The following FAM83B variants were observed in gnomAD, a reference collection of about 807,000 sequenced individuals.
FAM83B encodes the protein protein FAM83B.
A neutral mutation model predicts 38.8 loss-of-function variants in FAM83B; 26 were observed. The observed-to-expected ratio is 0.67, with a 90% CI of 0.49 to 0.93. The LOEUF is 0.93. Among genes scored for constraint, FAM83B ranks in the 40% least tolerant of loss-of-function variants. The probability of loss-of-function intolerance (pLI) is 0.00; values close to 1 mark genes in which losing one functional copy is unlikely to be tolerated. For missense variants in FAM83B, 1,237 were observed against 1,197.3 expected, an observed-to-expected ratio of 1.03 and a Z score of -0.49; for synonymous variants, 419 against 423.1, an observed-to-expected ratio of 0.99 and a Z score of 0.12.
intron 2 of FAM83B, among the ~76,000 whole-genome samples, chr6:54,887,522 G>T (rs1421646958): frequency 1.3e-5 from 2 of 151,658 alleles, no homozygotes; most frequent in Admixed American, 6.6e-5. Context: ...TTTCACTTTG[G>T]TTTTTTTGTT....
intron 1 of FAM83B, among the ~76,000 whole-genome samples, chr6:54,848,590 T>G (rs943019783): frequency 6.6e-6 from 1 of 152,216 alleles, no homozygotes; most frequent in Admixed American, 6.5e-5. Flanking sequence ...ATCTTTCTAT[T>G]TTATTTCCTC....
chr6:54,874,314 CT>C (rs756432478), intron 2 of FAM83B, among the ~76,000 whole-genome samples: 1 of 152,062 alleles, frequency 6.6e-6, no homozygotes, highest in Non-Finnish European at 1.5e-5. Context: ...TGTTTGAGAA[CT>C]TTCCTTTGGG....
intron 1 of FAM83B, among the ~76,000 whole-genome samples, chr6:54,863,184 A>G (rs1771626375): frequency 6.6e-6 from 1 of 152,186 alleles, no homozygotes; most frequent in South Asian, 2.1e-4. Context: ...CTCTCCAAAA[A>G]TGTGTCCTCT....
chr6:54,904,274 A>C (rs188750242), intron 2 of FAM83B, among the ~76,000 whole-genome samples: 124 of 152,306 alleles, frequency 8.1e-4, no homozygotes, highest in Admixed American at 2.6e-3. Flanking sequence ...ATATGTAGGC[A>C]GTTATCAAGT....
At chr6:54,884,955 G>A (rs1175136950) in intron 2 of FAM83B, among the ~76,000 whole-genome samples, 1 of 151,998 alleles carries the variant, frequency 6.6e-6, no homozygotes, top group African/African-American at 2.4e-5. Flanking sequence ...TGTATTTTTA[G>A]TAGAGACGGG....
chr6:54,912,428 A>T (rs2127584887), intron 2 of FAM83B, among the ~76,000 whole-genome samples: 1 of 151,320 alleles, frequency 6.6e-6, no homozygotes, highest in South Asian at 2.1e-4. Flanking sequence ...GCCAAAAAAA[A>T]AAAACAACAA....
In FAM83B at chr6:54,940,708, G is replaced by C. The variant is rs1406343279; in HGVS notation, c.1737G>C (p.Glu579Asp). Residue 579 changes from glutamate (E) to aspartate (D), a missense_variant, in exon 5 of 5, where the codon GAG (glutamate) becomes GAC (aspartate). Glu to Asp is a conservative substitution (Grantham distance 45). Transcript: ENST00000306858. ...IGSQGSETPK[E>D]VPDTPTNVQH... ...CTCAGGGAAGTGAGACACCTAAAGA[G>C]GTCCCAGACACCCCTACGAATGTAC... 2.5e-6 allele frequency: 4 copies of C among 1,613,926 alleles called. No individual in the cohort carries two copies. The South Asian group carries it at 4.4e-5, about 18-fold the overall frequency.
In FAM83B at chr6:54,870,482, C is replaced by T. The variant is rs1771822060; in HGVS notation, c.236C>T (p.Thr79Ile). Residue 79 changes from threonine to isoleucine, a missense_variant, in exon 2 of 5, where the codon ACT becomes ATT. Coordinates refer to ENST00000306858, the MANE Select transcript of FAM83B (RefSeq NM_001010872.3). ...QKVAQSTAHG[T>I]DDSCDDTLSS... ...GTTGCACAAAGCACAGCACATGGTA[C>T]TGATGATTCCTGTGATGATACCTTA... 6.2e-7 allele frequency: 1 copy of T among 1,613,936 alleles called. No individual in the cohort carries two copies. The highest frequency in any genetic ancestry group is 8.5e-7 in the Non-Finnish European group (1 of 1,179,940).
chr6:54,853,342 G>C (rs2127571517), intron 1 of FAM83B, among the ~76,000 whole-genome samples: 1 of 152,276 alleles, frequency 6.6e-6, no homozygotes, highest in African/African-American at 2.4e-5. Flanking sequence ...AGGTGACACA[G>C]CCTTCTAGTG....
At chr6:54,855,119 AGT>A (rs1561903207) in intron 1 of FAM83B, among the ~76,000 whole-genome samples, 1 of 152,236 alleles carries the variant, frequency 6.6e-6, no homozygotes, top group African/African-American at 2.4e-5. Context: ...TATTCAAATA[AGT>A]GTGCAAATAC....
At position 54,940,226 on chromosome 6, in the gene FAM83B, C is replaced by G. The variant is rs1281649666; in HGVS notation, c.1255C>G (p.Pro419Ala). ...TAATCCACCTGGTAATTGGAAAAAG[C>G]CATCTGATAGTCTCAGTGTGGCGTC... ...TNNPPGNWKK[P>A]SDSLSVASSS... The change falls in exon 5 of 5, where the codon CCA (proline) becomes GCA (alanine). Residue 419 changes from proline to alanine, a missense_variant. By Grantham distance (27) the Pro-to-Ala change is conservative (BLOSUM62 -1). Transcript: ENST00000306858. 1 of 1,613,884 alleles carries G rather than the reference C, an allele frequency of 6.2e-7. No homozygotes were observed. Among genetic ancestry groups the G allele is most frequent in the Non-Finnish European group, 8.5e-7 (1 of 1,180,004 alleles).
chr6:54,939,093 T>A (rs1773594137), intron 4 of FAM83B, among the ~76,000 whole-genome samples: 1 of 152,098 alleles, frequency 6.6e-6, no homozygotes, highest in South Asian at 2.1e-4. Context: ...TGCCAATTAT[T>A]CCAGTATCAT....
chr6:54,911,138 A>AGTGTGTGT (rs1554148147), intron 2 of FAM83B, among the ~76,000 whole-genome samples: 4 of 72,070 alleles, frequency 5.6e-5, no homozygotes, highest in African/African-American at 2.3e-4. Flanking sequence ...AATGACACAC[A>AGTGTGTGT]GCGTGTGTGT....
intron 1 of FAM83B, among the ~76,000 whole-genome samples, chr6:54,847,118 C>T (rs1046857544): frequency 2.0e-5 from 3 of 152,134 alleles, no homozygotes; most frequent in Non-Finnish European, 4.4e-5. Flanking sequence ...GTTTGGGTCC[C>T]CAGAGGACTG....
intron 4 of FAM83B, among the ~76,000 whole-genome samples, chr6:54,929,047 T>C (rs1773369374): frequency 6.6e-6 from 1 of 152,152 alleles, no homozygotes; most frequent in Non-Finnish European, 1.5e-5. Flanking sequence ...GGACCATGGA[T>C]TATAAAAAAT....
At chr6:54,874,321 T>C (rs943890427) in intron 2 of FAM83B, among the ~76,000 whole-genome samples, 7 of 152,158 alleles carry the variant, frequency 4.6e-5, no homozygotes, top group Non-Finnish European at 1.0e-4. Flanking sequence ...GAACTTTCCT[T>C]TGGGAAAATT....
At chr6:54,856,107 C>G (rs1771440346) in intron 1 of FAM83B, among the ~76,000 whole-genome samples, 1 of 152,076 alleles carries the variant, frequency 6.6e-6, no homozygotes. Flanking sequence ...TTGGGGAAAG[C>G]TTAATTGAGA....
rs534932874 is a variant in FAM83B at position 54,907,302 on chromosome 6, A to T, written c.445-19069A>T. On this transcript the variant is annotated intron_variant, in intron 2 of 4. Transcript: ENST00000306858. ...TATTTAAGAATATGCTATTTTTCGT[A>T]GATTGTTTTATTTACATATCTCAAT... Among the ~76,000 whole-genome samples the T allele has an allele frequency of 7.9e-5, 12 of 152,288 alleles. No homozygotes were observed. The South Asian group carries it at 2.5e-3, about 32-fold the overall frequency.
intron 2 of FAM83B, among the ~76,000 whole-genome samples, chr6:54,874,098 C>T (rs1771930915): frequency 6.6e-6 from 1 of 151,920 alleles, no homozygotes; most frequent in African/African-American, 2.4e-5. Flanking sequence ...AATTTATATG[C>T]TCTCATTTCT....
Sources: allele counts gnomAD v4.1 joint callset (sites outside exome capture counted in the v4.1 genomes callset), GRCh38; gene constraint gnomAD v4.1.1; transcripts MANE v1.5; gene names NCBI Gene and HGNC (gene_info 2026-07-23, HGNC 2026-07-21).